Variants in FGF13 observed in about 807,000 individuals in gnomAD.
FGF13 encodes the protein fibroblast growth factor homologous factor 2.
Under a neutral mutation model 19.5 loss-of-function variants are expected in FGF13, and 2 were observed. The ratio of observed to expected loss-of-function variants is 0.10; its 90% CI spans 0.04 to 0.32. The LOEUF (loss-of-function observed/expected upper bound fraction) is 0.32. Among genes scored for constraint, FGF13 ranks in the 10% least tolerant of loss-of-function variants. The probability of loss-of-function intolerance (pLI) is 1.00; values close to 1 mark genes in which losing one functional copy is unlikely to be tolerated. For synonymous variants in FGF13, 72 were observed against 76.9 expected, an observed-to-expected ratio of 0.94 and a Z score of 0.33; for missense variants, 113 against 192.7, an observed-to-expected ratio of 0.59 and a Z score of 2.45.
intron 3 of FGF13, among the ~76,000 whole-genome samples, chrX:138,659,803 C>T (rs1380234330): frequency 9.0e-6 from 1 of 111,596 alleles, no homozygotes. Flanking sequence ...CAAACTAACA[C>T]AGGAACAGAA....
intron 1 of FGF13, among the ~76,000 whole-genome samples, chrX:139,005,746 A>G (rs954263934): frequency 1.0e-5 from 1 of 99,793 alleles, no homozygotes; most frequent in East Asian, 3.0e-4. Context: ...TGAAATAAAC[A>G]AAAAAAAACC....
chrX:138,617,926 G>C lies in FGF13; in HGVS notation c.*14924C>G, dbSNP rs1233197378. On this transcript the variant is annotated 3_prime_UTR_variant, in exon 5 of 5. Coordinates refer to ENST00000315930, the MANE Select transcript of FGF13 (RefSeq NM_004114.5). ...CCACTGTAATCCATCCTGGGTGACA[G>C]AGTGAGACCTCAACCCCAGAGAGAG... 9.0e-6 allele frequency: 1 copy of C among 111,220 alleles called. No homozygotes were observed. The highest frequency in any genetic ancestry group is 1.9e-5 in the Non-Finnish European group (1 of 53,060). The allele number at this position is 111,220 out of a possible 1,213,427, so 9.2% of individuals were successfully genotyped here. A position where few individuals can be genotyped will look rare whatever the true frequency, so the allele number is the denominator to read the frequency against.
In FGF13 at chrX:138,817,083, A is replaced by T. The variant is rs146239777; in HGVS notation, c.217+40429T>A. 1.3e-3 allele frequency among the ~76,000 whole-genome samples: 144 copies of T among 112,572 alleles called. 1 individual carries two copies. The highest frequency in any genetic ancestry group is 2.6e-3 in the Admixed American group (28 of 10,640). On this transcript the variant is annotated intron_variant, in intron 3 of 6. Coordinates refer to the FGF13 transcript ENST00000436198. Reference sequence around the variant, plus strand: ...TTTGGAAGAATACAGTCAATCAGTCAACAACATTTATCTTGAGAATTTCAA... The same window carrying T: ...TTTGGAAGAATACAGTCAATCAGTCTACAACATTTATCTTGAGAATTTCAA...
chrX:139,170,533 G>A (rs139694971), intron 1 of FGF13, among the ~76,000 whole-genome samples: 2,612 of 111,518 alleles, frequency 0.023, 27 homozygotes, highest in Middle Eastern at 0.055. Context: ...GGACTTTGCA[G>A]GTGCTATTCT....
intron 3 of FGF13, among the ~76,000 whole-genome samples, chrX:138,666,531 C>T (rs989053757): frequency 9.0e-6 from 1 of 111,086 alleles, no homozygotes; most frequent in East Asian, 2.9e-4. Context: ...CTTTCTAATT[C>T]CAAATTCCAA....
intron 3 of FGF13, among the ~76,000 whole-genome samples, chrX:138,798,271 G>A (rs1416094192): frequency 9.0e-6 from 1 of 111,593 alleles, no homozygotes; most frequent in Non-Finnish European, 1.9e-5. Context: ...TTAGCATGAA[G>A]GGGTGCTGTA....
intron 1 of FGF13, among the ~76,000 whole-genome samples, chrX:139,120,351 ATTGTATTACCTC>A (rs1221290617): frequency 8.9e-6 from 1 of 112,035 alleles, no homozygotes; most frequent in African/African-American, 3.2e-5. Flanking sequence ...TAATCACTGT[ATTGTATTACCTC>A]TTGTATACTA....
intron 3 of FGF13, among the ~76,000 whole-genome samples, chrX:138,829,789 TCAC>T (rs2091058822): frequency 1.8e-5 from 2 of 111,665 alleles, no homozygotes; most frequent in Admixed American, 9.5e-5. Flanking sequence ...TGATCTCAGC[TCAC>T]TGCAACCTCT....
At chrX:138,728,125 C>T (rs1196247668) in intron 1 of FGF13, among the ~76,000 whole-genome samples, 1 of 111,001 alleles carries the variant, frequency 9.0e-6, no homozygotes, top group Non-Finnish European at 1.9e-5. Context: ...TTTTATGAAC[C>T]ATAAGCCATC....
At chrX:138,652,021 A>C (rs2124131761) in intron 3 of FGF13, among the ~76,000 whole-genome samples, 1 of 112,070 alleles carries the variant, frequency 8.9e-6, no homozygotes, top group African/African-American at 3.2e-5. Flanking sequence ...TCAAAGACAA[A>C]GTCCCTGACT....
At chrX:138,964,042 TA>T (rs1483292174) in intron 1 of FGF13, among the ~76,000 whole-genome samples, 34 of 111,924 alleles carry the variant, frequency 3.0e-4, no homozygotes, top group African/African-American at 1.1e-3. Context: ...TTTCTTCCAT[TA>T]AGTCTTCAGT....
At chrX:138,650,581 T>C (rs1424984296) in intron 3 of FGF13, among the ~76,000 whole-genome samples, 1 of 111,644 alleles carries the variant, frequency 9.0e-6, no homozygotes, top group African/African-American at 3.3e-5. Context: ...CTACATTCTA[T>C]GCCAATATAA....
chrX:139,171,210 A>G (rs1266388573), intron 1 of FGF13, among the ~76,000 whole-genome samples: 3 of 112,166 alleles, frequency 2.7e-5, no homozygotes, highest in East Asian at 5.6e-4. Context: ...CAGAGCTGAC[A>G]GCATATTCTT....
intron 1 of FGF13, among the ~76,000 whole-genome samples, chrX:138,882,375 T>C (rs1246964922): frequency 8.9e-6 from 1 of 112,048 alleles, no homozygotes; most frequent in Non-Finnish European, 1.9e-5. Context: ...GAGTGTTCTA[T>C]ATATGCCTGT....
intron 3 of FGF13, among the ~76,000 whole-genome samples, chrX:138,811,486 C>A (rs1340267300): frequency 2.7e-5 from 3 of 110,322 alleles, no homozygotes; most frequent in African/African-American, 6.6e-5. Context: ...AGGAGATATA[C>A]CTAATGTAAA....
intron 3 of FGF13, among the ~76,000 whole-genome samples, chrX:138,673,689 T>C (rs774098818): frequency 6.3e-5 from 7 of 111,360 alleles, no homozygotes; most frequent in Non-Finnish European, 1.3e-4. Flanking sequence ...CAGTAATGAT[T>C]GTATGCTGAT....
intron 1 of FGF13, among the ~76,000 whole-genome samples, chrX:138,729,333 G>A (rs1266739188): frequency 2.7e-5 from 3 of 111,090 alleles, no homozygotes; most frequent in African/African-American, 9.8e-5. Flanking sequence ...AGTACAAATA[G>A]AGAAAAAATT....
At chrX:139,191,381 T>C (rs769053129) in intron 1 of FGF13, among the ~76,000 whole-genome samples, 1 of 112,013 alleles carries the variant, frequency 8.9e-6, no homozygotes, top group South Asian at 3.8e-4. Context: ...TTTAAAGACA[T>C]GCTCTTTGTG....
At chrX:138,839,138 G>A (rs2091132326) in intron 3 of FGF13, among the ~76,000 whole-genome samples, 2 of 110,695 alleles carry the variant, frequency 1.8e-5, no homozygotes, top group African/African-American at 6.6e-5. Flanking sequence ...TAAAAGGATG[G>A]GTTTGGTTCA....
Sources: allele counts gnomAD v4.1 joint callset (sites outside exome capture counted in the v4.1 genomes callset), GRCh38; gene constraint gnomAD v4.1.1; transcripts MANE v1.5; gene names NCBI Gene and HGNC (gene_info 2026-07-23, HGNC 2026-07-21).